MAML2: variants seen among roughly 807,000 people sequenced by gnomAD.
MAML2 encodes the protein mastermind like transcriptional coactivator 2.
MAML2 carries 22 observed loss-of-function variants against 96.1 expected under a neutral mutation model. The ratio of observed to expected loss-of-function variants is 0.23; its 90% confidence interval spans 0.16 to 0.33. The LOEUF (loss-of-function observed/expected upper bound fraction) is 0.33, where lower values mean the gene tolerates loss of function less well. MAML2 is among the 10% of genes least tolerant of loss of function. The pLI is 1.00. For missense variants in MAML2, 1,367 were observed against 1,392.4 expected (o/e 0.98, Z 0.29); for synonymous variants, 561 against 521.3 (o/e 1.08, Z -1.04).
chr11:96,173,083 T>C (rs1477888530), intron 1 of MAML2, among the ~76,000 whole-genome samples: 1 of 152,198 alleles, frequency 6.6e-6, no homozygotes, highest in Admixed American at 6.5e-5. Context: ...TGCCAGGTTC[T>C]TGCCTATGCA....
chr11:96,223,824 G>GT (rs1862175244), intron 1 of MAML2, among the ~76,000 whole-genome samples: 1 of 152,154 alleles, frequency 6.6e-6, no homozygotes, highest in East Asian at 1.9e-4. Flanking sequence ...ACACAATTGG[G>GT]TTTTTTCCCA....
chr11:95,999,771 T>C (rs1220279526), intron 2 of MAML2, among the ~76,000 whole-genome samples: 2 of 152,132 alleles, frequency 1.3e-5, no homozygotes, highest in African/African-American at 4.8e-5. Flanking sequence ...TTTTCTTGGC[T>C]TCTAGAGCTA....
At chr11:96,183,385 T>G (rs1453134580) in intron 1 of MAML2, among the ~76,000 whole-genome samples, 1 of 128,838 alleles carries the variant, frequency 7.8e-6, no homozygotes, top group Non-Finnish European at 1.6e-5. Flanking sequence ...CTTCCCTTCC[T>G]CCGTTCCTCC....
intron 1 of MAML2, among the ~76,000 whole-genome samples, chr11:96,269,199 G>A (rs1245114122): frequency 1.4e-5 from 2 of 144,574 alleles, no homozygotes; most frequent in Non-Finnish European, 3.0e-5. Context: ...TGACTTCATG[G>A]TGGGCATACT....
At chr11:96,241,757 G>A (rs1242220301) in intron 1 of MAML2, among the ~76,000 whole-genome samples, 1 of 152,148 alleles carries the variant, frequency 6.6e-6, no homozygotes, top group Non-Finnish European at 1.5e-5. Context: ...ATAAAACGAT[G>A]CAAACCAATG....
intron 1 of MAML2, among the ~76,000 whole-genome samples, chr11:96,262,014 G>T (rs1047046701): frequency 6.6e-6 from 1 of 152,274 alleles, no homozygotes; most frequent in Non-Finnish European, 1.5e-5. Flanking sequence ...CCATATTAAT[G>T]TTTTTAAAAG....
At chr11:95,989,856 T>C (rs1857883866) in intron 3 of MAML2, among the ~76,000 whole-genome samples, 1 of 152,222 alleles carries the variant, frequency 6.6e-6, no homozygotes, top group African/African-American at 2.4e-5. Flanking sequence ...ATGCCCTGAA[T>C]ACGAAACTTA....
chr11:96,204,073 G>A lies in MAML2; in HGVS notation c.514-110556C>T, dbSNP rs111747740. Among the ~76,000 whole-genome samples, 1,135 of 152,252 alleles carry A rather than the reference G, an allele frequency of 7.5e-3. 10 individuals carry two copies. The highest frequency in any genetic ancestry group is 0.023 in the African/African-American group (945 of 41,542). On this transcript the variant is annotated intron_variant, in intron 1 of 4. Coordinates refer to ENST00000524717, the MANE Select transcript of MAML2 (RefSeq NM_032427.4). ...TGCTGTCAGCATCCCTAGGCCTGAA[G>A]GACTGAGGGAGGGAGAGGTTTCTGG...
intron 1 of MAML2, among the ~76,000 whole-genome samples, chr11:96,103,534 T>C (rs753130578): frequency 6.6e-6 from 1 of 152,200 alleles, no homozygotes; most frequent in Non-Finnish European, 1.5e-5. Context: ...GGGTTTGTAC[T>C]TGGCTACCAA....
chr11:96,245,921 T>A (rs1303717105), intron 1 of MAML2, among the ~76,000 whole-genome samples: 1 of 152,128 alleles, frequency 6.6e-6, no homozygotes, highest in African/African-American at 2.4e-5. Flanking sequence ...GTCAGCCTGG[T>A]TTCGAACTCC....
chr11:96,076,443 CA>C (rs1301090913), intron 2 of MAML2, among the ~76,000 whole-genome samples: 1 of 67,036 alleles, frequency 1.5e-5, no homozygotes, highest in South Asian at 5.5e-4. Flanking sequence ...CACACACACA[CA>C]CACACACACA....
intron 1 of MAML2, among the ~76,000 whole-genome samples, chr11:96,111,999 C>T (rs1860132499): frequency 6.6e-6 from 1 of 151,996 alleles, no homozygotes; most frequent in South Asian, 2.1e-4. Context: ...ATCACAGGGC[C>T]CCTACTTGAG....
intron 1 of MAML2, among the ~76,000 whole-genome samples, chr11:96,134,519 T>G (rs1373123410): frequency 6.6e-6 from 1 of 152,206 alleles, no homozygotes; most frequent in South Asian, 2.1e-4. Flanking sequence ...TCCCATATAT[T>G]TGAAGGCAGT....
chr11:96,329,728 A>G (rs975306426), intron 1 of MAML2, among the ~76,000 whole-genome samples: 5 of 152,246 alleles, frequency 3.3e-5, no homozygotes, highest in Non-Finnish European at 1.5e-5. Flanking sequence ...ACGAATAAGT[A>G]TAGTAAGTAG....
chr11:96,174,710 C>T (rs749220677), intron 1 of MAML2, among the ~76,000 whole-genome samples: 4 of 152,188 alleles, frequency 2.6e-5, no homozygotes, highest in Non-Finnish European at 4.4e-5. Context: ...TACTTAAGTA[C>T]CCACAAGCCC....
At chr11:96,312,567 A>G (rs1373858432) in intron 1 of MAML2, among the ~76,000 whole-genome samples, 1 of 152,202 alleles carries the variant, frequency 6.6e-6, no homozygotes, top group East Asian at 1.9e-4. Flanking sequence ...AAATTTGAAC[A>G]ATAGTTGTTT....
intron 1 of MAML2, among the ~76,000 whole-genome samples, chr11:96,131,987 G>A (rs1324993312): frequency 1.3e-5 from 2 of 152,152 alleles, no homozygotes; most frequent in Non-Finnish European, 1.5e-5. Context: ...TCCAGCCTGG[G>A]CAACAGAGTG....
intron 1 of MAML2, among the ~76,000 whole-genome samples, chr11:96,199,303 T>C (rs538242360): frequency 8.8e-4 from 133 of 150,620 alleles, no homozygotes; most frequent in African/African-American, 2.7e-3. Flanking sequence ...ATCTTGTCCG[T>C]GACAGGGAAG....
intron 1 of MAML2, among the ~76,000 whole-genome samples, chr11:96,179,895 C>T (rs1275126101): frequency 6.6e-6 from 1 of 152,214 alleles, no homozygotes; most frequent in Non-Finnish European, 1.5e-5. Flanking sequence ...CCAGTGGCCA[C>T]CTTGGCCAAC....
Sources: gnomAD v4.1 joint callset for allele counts (sites outside exome capture counted in the v4.1 genomes callset) on GRCh38, gnomAD v4.1.1 for gene constraint, MANE v1.5 for transcripts, NCBI Gene and HGNC (gene_info 2026-07-23, HGNC 2026-07-21) for gene names.